KCNH8: variants seen among roughly 807,000 people sequenced by gnomAD.
KCNH8 encodes voltage-gated delayed rectifier potassium channel KCNH8.
In KCNH8, 70 loss-of-function variants were observed where a neutral mutation model predicts 103.6. The observed-to-expected ratio is 0.68, with a 90% CI of 0.56 to 0.82. The LOEUF is 0.82. Among genes scored for constraint, KCNH8 ranks in the 40% least tolerant of loss-of-function variants. The probability of loss-of-function intolerance (pLI) is 0.00; values close to 1 mark genes in which losing one functional copy is unlikely to be tolerated. For missense variants in KCNH8, 1,217 were observed against 1,329.9 expected (o/e 0.92, Z 1.32); for synonymous variants, 498 against 489.4 (o/e 1.02, Z -0.23).
rs757153750 is a variant in KCNH8 at position 19,515,390 on chromosome 3, G to A, written c.2504G>A (p.Arg835Gln). The change falls in exon 14 of 16, where the codon CGA becomes CAA. Residue 835 changes from arginine (R) to glutamine (Q), a missense_variant. Coordinates refer to ENST00000328405, the MANE Select transcript of KCNH8 (RefSeq NM_144633.3). ...ESQTFDFGSE[R>Q]IRSEPRISPP... is the part of the protein sequence containing the mutation. ...CAGACTTTTGATTTTGGCTCTGAAC[G>A]AATCAGATCAGAGCCCAGAATTTCT... The A allele has an allele frequency of 1.1e-5, 18 of 1,574,874 alleles. No homozygotes were observed. In the East Asian group the frequency reaches 3.3e-4, roughly 28 times the overall value.
intron 7 of KCNH8, among the ~76,000 whole-genome samples, chr3:19,400,290 G>T (rs1367182922): frequency 7.0e-6 from 1 of 142,090 alleles, no homozygotes; most frequent in African/African-American, 2.6e-5. Flanking sequence ...GCTGAAATAT[G>T]GAGAAGTGGT....
chr3:19,213,166 G>A (rs1383727595), intron 1 of KCNH8, among the ~76,000 whole-genome samples: 1 of 152,160 alleles, frequency 6.6e-6, no homozygotes, highest in Non-Finnish European at 1.5e-5. Context: ...ACATGGAACA[G>A]GAACTCATTG....
intron 1 of KCNH8, among the ~76,000 whole-genome samples, chr3:19,241,201 A>T (rs1575461923): frequency 1.3e-5 from 2 of 152,118 alleles, no homozygotes; most frequent in East Asian, 3.9e-4. Flanking sequence ...TTAAAACTGT[A>T]TGCAGTTTTT....
Position 19,347,746 on chromosome 3 carries a change from G to A in KCNH8, c.592G>A (p.Ala198Thr). Residue 198 changes from alanine to threonine, a missense_variant, in exon 5 of 16, where the codon GCA becomes ACA. Physicochemically the swap from Ala to Thr is moderately conservative, Grantham distance 58. Around this residue, in one of 3 missense-constraint regions of KCNH8, gnomAD observed 244 missense variants for 256.8 expected, o/e 0.95. Transcript: ENST00000328405. The stretch of plus-strand genomic sequence containing the variant: ...ACAGAATGTTTTTGTAGATAAACCA[G>A]CATTTCCGGAGTATAAAGTTTCTGA... ...INNNVFVDKP[A>T]FPEYKVSDAK... 1 of 1,613,018 alleles carries A rather than the reference G, an allele frequency of 6.2e-7. No individual in the cohort carries two copies.
intron 5 of KCNH8, among the ~76,000 whole-genome samples, chr3:19,362,057 C>T (rs1221825968): frequency 6.6e-6 from 1 of 152,088 alleles, no homozygotes; most frequent in African/African-American, 2.4e-5. Context: ...AAGAAATCAG[C>T]TCACTCACTG....
At chr3:19,486,850 G>A (rs964385203) in intron 11 of KCNH8, among the ~76,000 whole-genome samples, 1 of 152,174 alleles carries the variant, frequency 6.6e-6, no homozygotes, top group South Asian at 2.1e-4. Flanking sequence ...GTAGGCTGCA[G>A]ATGACCTGCT....
chr3:19,398,417 G>A (rs1375642314), intron 7 of KCNH8, among the ~76,000 whole-genome samples: 1 of 151,932 alleles, frequency 6.6e-6, no homozygotes, highest in Non-Finnish European at 1.5e-5. Context: ...AAAGGCATTT[G>A]TGACAGCAGG....
intron 2 of KCNH8, among the ~76,000 whole-genome samples, chr3:19,265,435 C>T (rs2064495900): frequency 6.6e-6 from 1 of 152,098 alleles, no homozygotes; most frequent in Non-Finnish European, 1.5e-5. Context: ...ACCGCATGCC[C>T]ATGAGGGTGG....
At chr3:19,343,070 T>C (rs1266516001) in intron 4 of KCNH8, among the ~76,000 whole-genome samples, 1 of 152,134 alleles carries the variant, frequency 6.6e-6, no homozygotes, top group Admixed American at 6.6e-5. Flanking sequence ...TTAAAATTTC[T>C]CAAATTTAAT....
chr3:19,437,708 A>C (rs1240963853), intron 7 of KCNH8, among the ~76,000 whole-genome samples: 1 of 152,180 alleles, frequency 6.6e-6, no homozygotes, highest in African/African-American at 2.4e-5. Flanking sequence ...TCTCACCCAG[A>C]CTTCTAGACT....
At chr3:19,200,813 T>A (rs2063650633) in intron 1 of KCNH8, among the ~76,000 whole-genome samples, 1 of 152,092 alleles carries the variant, frequency 6.6e-6, no homozygotes, top group African/African-American at 2.4e-5. Flanking sequence ...ATTAGTAAAT[T>A]TCTGTCCTTA....
At chr3:19,209,397 A>C (rs1394262182) in intron 1 of KCNH8, among the ~76,000 whole-genome samples, 1 of 152,228 alleles carries the variant, frequency 6.6e-6, no homozygotes, top group East Asian at 1.9e-4. Flanking sequence ...TCTGAGGCCA[A>C]GGAGTTATGT....
intron 3 of KCNH8, among the ~76,000 whole-genome samples, chr3:19,295,366 A>G (rs904463224): frequency 3.3e-5 from 5 of 151,046 alleles, no homozygotes; most frequent in African/African-American, 9.8e-5. Flanking sequence ...CCTGGGTGAC[A>G]TAGAGAGACC....
chr3:19,495,540 C>T (rs1180064374), intron 11 of KCNH8, among the ~76,000 whole-genome samples: 1 of 152,020 alleles, frequency 6.6e-6, no homozygotes. Context: ...TTTCTGAGAT[C>T]TCTATTCTGT....
At chr3:19,492,793 A>C (rs2068351059) in intron 11 of KCNH8, among the ~76,000 whole-genome samples, 3 of 150,382 alleles carry the variant, frequency 2.0e-5, no homozygotes, top group Admixed American at 2.0e-4. Flanking sequence ...TTTTCATGAC[A>C]CTGATTCTTC....
At chr3:19,176,389 C>T (rs2063399744) in intron 1 of KCNH8, among the ~76,000 whole-genome samples, 1 of 152,086 alleles carries the variant, frequency 6.6e-6, no homozygotes, top group Non-Finnish European at 1.5e-5. Flanking sequence ...TCTCATTCAA[C>T]GGAGACCTTT....
chr3:19,406,985 C>T (rs1173328338), intron 7 of KCNH8, among the ~76,000 whole-genome samples: 1 of 152,134 alleles, frequency 6.6e-6, no homozygotes, highest in Non-Finnish European at 1.5e-5. Context: ...AATTATTCTA[C>T]TCCAGAATAT....
chr3:19,390,457 C>A, intron 5 of KCNH8, 24 bp from the exon 6 acceptor site: 2 of 1,574,674 alleles, frequency 1.3e-6, no homozygotes, highest in Non-Finnish European at 1.7e-6. Context: ...CCTTTTATTT[C>A]TCAACCTTTT....
At chr3:19,307,751 C>G (rs993813969) in intron 3 of KCNH8, among the ~76,000 whole-genome samples, 27 of 151,836 alleles carry the variant, frequency 1.8e-4, no homozygotes, top group African/African-American at 6.5e-4. Flanking sequence ...TTCATGGCAA[C>G]GTGGTTGGAA....
Sources: gnomAD v4.1 joint callset for allele counts (sites outside exome capture counted in the v4.1 genomes callset) on GRCh38, gnomAD v4.1.1 for gene constraint, gnomAD v4.1.1 regional missense constraint, MANE v1.5 for transcripts, NCBI Gene and HGNC (gene_info 2026-07-23, HGNC 2026-07-21) for gene names.